The following POLD3 variants were observed in gnomAD, a reference collection of about 807,000 sequenced individuals.
POLD3 encodes DNA polymerase delta subunit 3.
A neutral mutation model predicts 58.2 loss-of-function variants in POLD3; 19 were observed. The observed-to-expected ratio is 0.33, with a 90% CI of 0.23 to 0.48. POLD3 has a LOEUF of 0.48. POLD3 is among the 20% of genes least tolerant of loss of function. The pLI is 0.99. For missense variants in POLD3, 504 were observed against 545.5 expected (o/e 0.92, Z 0.76); for synonymous variants, 172 against 193.5 (o/e 0.89, Z 0.92).
chr11:74,627,718 C>T (rs960159248), intron 8 of POLD3, among the ~76,000 whole-genome samples: 1 of 151,950 alleles, frequency 6.6e-6, no homozygotes, highest in Non-Finnish European at 1.5e-5. Flanking sequence ...ACACAAATAC[C>T]GTTGTGTTAC....
chr11:74,634,463 A>G, intron 9 of POLD3, 120 bp from the exon 10 acceptor site: 1 of 620,200 alleles, frequency 1.6e-6, no homozygotes, highest in Non-Finnish European at 3.0e-6. Flanking sequence ...CTTGGTTGTC[A>G]TGAATTACTG....
chr11:74,660,389 T>C (rs2033190807), intron 4 of POLD3, among the ~76,000 whole-genome samples: 2 of 152,238 alleles, frequency 1.3e-5, no homozygotes, highest in Non-Finnish European at 2.9e-5. Flanking sequence ...ATAAACTTTC[T>C]ACTATTATAC....
chr11:74,647,892 A>T (rs150767124), downstream of POLD3, among the ~76,000 whole-genome samples: 21 of 152,280 alleles, frequency 1.4e-4, no homozygotes, highest in African/African-American at 4.6e-4. Context: ...TATTATAATA[A>T]TATTTATAAG....
intron 4 of POLD3, among the ~76,000 whole-genome samples, chr11:74,668,226 T>G (rs978373806): frequency 6.6e-6 from 1 of 152,314 alleles, no homozygotes; most frequent in South Asian, 2.1e-4. Context: ...TTGCTATATA[T>G]GTACCCAAAA....
chr11:74,651,418 G>A (rs184806657), intron 4 of POLD3, among the ~76,000 whole-genome samples: 156 of 152,284 alleles, frequency 1.0e-3, no homozygotes, highest in Admixed American at 3.0e-3. Context: ...AGAGGGTACT[G>A]CCAAGCCCTA....
chr11:74,593,756 A>G (rs889275157), intron 1 of POLD3, among the ~76,000 whole-genome samples: 3 of 152,202 alleles, frequency 2.0e-5, no homozygotes, highest in African/African-American at 7.2e-5. Context: ...AAAAAACATC[A>G]TGAGGAAAGG....
intron 2 of POLD3, among the ~76,000 whole-genome samples, chr11:74,594,324 G>A (rs1565108296): frequency 1.3e-5 from 2 of 152,000 alleles, no homozygotes; most frequent in African/African-American, 2.4e-5. Context: ...ATCTTTGCAC[G>A]TCCATCTTAT....
rs41545512 is a variant in POLD3, at chr11:74,641,958, T to C, written c.*1192T>C. The C allele has an allele frequency of 1.9e-3, 1,868 of 985,490 alleles. 5 individuals are homozygous for C. Among genetic ancestry groups the C allele is most frequent in the Non-Finnish European group, 1.9e-3 (1,616 of 829,936 alleles). The allele number at this position is 985,490 out of a possible 1,614,324, so 61.0% of individuals were successfully genotyped here. A position where few individuals can be genotyped will look rare whatever the true frequency, so the allele number is the denominator to read the frequency against. On this transcript the variant is annotated 3_prime_UTR_variant, in exon 12 of 12. Transcript: ENST00000263681. ...GATAACCTTCAAGTGACTTCCATTA[T>C]GGCTGGACAGGCGGTGAGCTCAGTG...
chr11:74,621,158 C>T (rs1291163220), intron 7 of POLD3, among the ~76,000 whole-genome samples: 1 of 152,114 alleles, frequency 6.6e-6, no homozygotes, highest in East Asian at 1.9e-4. Context: ...ACCCACAGTC[C>T]ACTGATGGGT....
chr11:74,593,865 A>G (rs142755870), intron 1 of POLD3, among the ~76,000 whole-genome samples, 196 bp from the exon 2 acceptor site: 55 of 152,302 alleles, frequency 3.6e-4, no homozygotes, highest in African/African-American at 1.3e-3. Flanking sequence ...TCATGAAACA[A>G]ACTTCTTAGC....
In POLD3 at chr11:74,625,453, A is replaced by C. The variant is rs1454666754; in HGVS notation, c.779A>C (p.Glu260Ala). The C allele has an allele frequency of 6.2e-7, 1 of 1,613,332 alleles. No individual in the cohort carries two copies. The highest frequency in any genetic ancestry group is 8.5e-7 in the Non-Finnish European group (1 of 1,179,584). ...NLDSEQAVKE[E>A]KIVEQPTVSV... ...GACTCAGAACAAGCAGTGAAAGAAG[A>C]AAAAATAGTGGAGCAGCCTACAGTG... The change falls in exon 8 of 12, where the codon GAA becomes GCA. Residue 260 changes from glutamate to alanine, a missense_variant. Glu to Ala is a moderately radical substitution (Grantham distance 107). Coordinates refer to ENST00000263681, the MANE Select transcript of POLD3 (RefSeq NM_006591.3).
intron 4 of POLD3, among the ~76,000 whole-genome samples, chr11:74,667,655 A>T (rs2033288879): frequency 6.6e-6 from 1 of 152,232 alleles, no homozygotes; most frequent in Non-Finnish European, 1.5e-5. Flanking sequence ...TAAAACTCTT[A>T]GAAGAAAGCA....
chr11:74,665,531 G>A (rs1225865283), intron 4 of POLD3, among the ~76,000 whole-genome samples: 2 of 150,202 alleles, frequency 1.3e-5, no homozygotes, highest in African/African-American at 4.9e-5. Flanking sequence ...CTCCAGAGTA[G>A]CTGCAATTAC....
rs79013730 is a variant in POLD3 at position 74,665,995 on chromosome 11, A to G, written c.370-2782A>G. On this transcript the variant is annotated intron_variant, in intron 4 of 4. Transcript: ENST00000524752. ...ATTCAGATGACATGATCTTCTATAT[A>G]GAAAATCCTAAGGAATCCACTAAAA... Among the ~76,000 whole-genome samples, 316 of 152,366 alleles carry G rather than the reference A, an allele frequency of 2.1e-3. 2 individuals are homozygous for G. Among genetic ancestry groups the G allele is most frequent in the African/African-American group, 7.5e-3 (310 of 41,592 alleles).
In POLD3 at chr11:74,632,875, A is replaced by ATTACACACACACACACACAC. The variant is rs1157307914; in HGVS notation, c.1007-1708_1007-1707insTTACACACACACACACACAC. Among the ~76,000 whole-genome samples the ATTACACACACACACACACAC allele has an allele frequency of 2.2e-4, 13 of 59,242 alleles. 1 individual carries two copies. The highest frequency in any genetic ancestry group is 1.8e-3 in the African/African-American group (11 of 6,160). The allele number at this position is 59,242 out of a possible 152,430, so 38.9% of individuals were successfully genotyped here. On this transcript the variant is annotated intron_variant, in intron 9 of 11. Coordinates refer to ENST00000263681, the MANE Select transcript of POLD3 (RefSeq NM_006591.3). Reference sequence around the variant, plus strand: ...GTGGTGGTTTTCCTTTATTTAAGTAAATACACACACACACACACACACACA... The same window carrying ATTACACACACACACACACAC: ...GTGGTGGTTTTCCTTTATTTAAGTAATTACACACACACACACACACATACACACACACACACACACACACA...
intron 4 of POLD3, among the ~76,000 whole-genome samples, chr11:74,653,213 T>C (rs1255814859): frequency 6.6e-6 from 1 of 152,226 alleles, no homozygotes; most frequent in Non-Finnish European, 1.5e-5. Context: ...TGCACCAACC[T>C]AATACTTAAC....
Position 74,600,695 on chromosome 11 carries a change from G to A in POLD3, c.117-3997G>A, listed in dbSNP as rs1380018243. 2.7e-5 allele frequency among the ~76,000 whole-genome samples: 4 copies of A among 148,832 alleles called. No homozygotes were observed. In the Admixed American group the frequency reaches 2.7e-4, roughly 10 times the overall value. On this transcript the variant is annotated intron_variant, in intron 2 of 11. Transcript: ENST00000263681. ...ACATGTTTTAAAGACTCAAAAAGTA[G>A]GCAGGAATTCTTTCCTTTTTTTTTT...
At chr11:74,625,271 A>C in intron 7 of POLD3, 137 bp from the exon 8 acceptor site, 1 of 394,780 alleles carries the variant, frequency 2.5e-6, no homozygotes, top group Non-Finnish European at 4.0e-6. Context: ...GAAAGGAGGA[A>C]TGTTTCTGAA....
chr11:74,627,346 A>G (rs1357230910), intron 8 of POLD3, among the ~76,000 whole-genome samples: 1 of 152,214 alleles, frequency 6.6e-6, no homozygotes, highest in African/African-American at 2.4e-5. Context: ...GGATATAAAG[A>G]AGAAAATATT....
Sources: gnomAD v4.1 joint callset for allele counts (sites outside exome capture counted in the v4.1 genomes callset) on GRCh38, gnomAD v4.1.1 for gene constraint, MANE v1.5 for transcripts, NCBI Gene and HGNC (gene_info 2026-07-23, HGNC 2026-07-21) for gene names.